STX8: variants seen among roughly 807,000 people sequenced by gnomAD.
STX8 encodes the protein syntaxin 8, also known as syntaxin-8.
In STX8, 23 loss-of-function variants were observed where a neutral mutation model predicts 37.5. That is an observed-to-expected ratio of 0.61 (90% CI 0.44 to 0.87). The LOEUF (loss-of-function observed/expected upper bound fraction) is 0.87. Ranked by LOEUF, STX8 falls within the 40% of genes least tolerant of loss-of-function variation. The pLI, the probability that STX8 is intolerant of heterozygous loss-of-function variation, is 0.00. For missense variants in STX8, 313 were observed against 284.7 expected, an observed-to-expected ratio of 1.10 and a Z score of -0.71; for synonymous variants, 115 against 99.1, an observed-to-expected ratio of 1.16 and a Z score of -0.95.
At chr17:9,348,367 G>T (rs569960850) in intron 7 of STX8, among the ~76,000 whole-genome samples, 1 of 146,098 alleles carries the variant, frequency 6.8e-6, no homozygotes, top group Non-Finnish European at 1.5e-5. Context: ...GCAATGAGCC[G>T]AGATTGCGCC....
intron 6 of STX8, among the ~76,000 whole-genome samples, chr17:9,429,927 A>T (rs1239060326): frequency 9.7e-4 from 2 of 2,056 alleles, no homozygotes; most frequent in African/African-American, 0.011. Flanking sequence ...AATATATATA[A>T]TATATATTAT....
chr17:9,510,321 C>T lies in STX8; in HGVS notation c.324-5159G>A, dbSNP rs1302881453. ...TATGGAACATTTCACCCAACAGCTACAGAATATACATTCTTGTCAACAGCA... is the reference window on the plus strand; with the variant it reads ...TATGGAACATTTCACCCAACAGCTATAGAATATACATTCTTGTCAACAGCA... On this transcript the variant is annotated intron_variant, in intron 4 of 7. Coordinates refer to ENST00000306357, the MANE Select transcript of STX8 (RefSeq NM_004853.3). Among the ~76,000 whole-genome samples the T allele has an allele frequency of 2.6e-5, 4 of 152,142 alleles. No individual in the cohort carries two copies. The East Asian group carries it at 7.7e-4, about 29-fold the overall frequency.
intron 4 of STX8, among the ~76,000 whole-genome samples, chr17:9,513,090 C>T (rs1450125941): frequency 6.6e-6 from 1 of 151,812 alleles, no homozygotes; most frequent in Non-Finnish European, 1.5e-5. Context: ...AGTGAAAAGA[C>T]AATCTATAGG....
chr17:9,574,010 C>T (rs932937717), intron 1 of STX8, among the ~76,000 whole-genome samples: 1 of 152,076 alleles, frequency 6.6e-6, no homozygotes, highest in Non-Finnish European at 1.5e-5. Flanking sequence ...GTGGCTCACA[C>T]CTGTAATCCC....
At chr17:9,292,210 A>G (rs913455903) in intron 7 of STX8, among the ~76,000 whole-genome samples, 5 of 152,248 alleles carry the variant, frequency 3.3e-5, no homozygotes, top group African/African-American at 1.2e-4. Flanking sequence ...AGAACCTCAG[A>G]CAAATAAATG....
chr17:9,338,895 C>T (rs191465522), intron 7 of STX8, among the ~76,000 whole-genome samples: 1 of 151,926 alleles, frequency 6.6e-6, no homozygotes, highest in South Asian at 2.1e-4. Context: ...CACAGTGAAA[C>T]CCTGTCTCTA....
At chr17:9,568,492 A>G in intron 1 of STX8, 22 bp from the exon 2 acceptor site, 1 of 1,597,668 alleles carries the variant, frequency 6.3e-7, no homozygotes, top group East Asian at 2.2e-5. Context: ...TCGTAAAAAG[A>G]GAAAATGTTT....
chr17:9,353,976 T>C (rs981712006), intron 7 of STX8, among the ~76,000 whole-genome samples: 7 of 152,212 alleles, frequency 4.6e-5, no homozygotes, highest in Non-Finnish European at 8.8e-5. Flanking sequence ...TCCTTCTGAC[T>C]TTCCTCCTCA....
At chr17:9,444,500 T>G (rs538564324) in intron 6 of STX8, among the ~76,000 whole-genome samples, 1 of 152,248 alleles carries the variant, frequency 6.6e-6, no homozygotes, top group South Asian at 2.1e-4. Context: ...ATAATAAACC[T>G]CAGTTAAAGT....
intron 7 of STX8, among the ~76,000 whole-genome samples, chr17:9,252,063 G>A (rs974120915): frequency 2.0e-5 from 3 of 152,118 alleles, no homozygotes; most frequent in African/African-American, 7.2e-5. Context: ...CCAGCACTTT[G>A]GGAGGCCGAG....
At position 9,559,756 on chromosome 17, in the gene STX8, A is replaced by ATTTTTTTTTT. The variant is rs1214621506; in HGVS notation, c.118-2229_118-2228insAAAAAAAAAA. Among the ~76,000 whole-genome samples, 60 of 31,122 alleles carry ATTTTTTTTTT rather than the reference A, an allele frequency of 1.9e-3. 2 individuals carry two copies. Among genetic ancestry groups the ATTTTTTTTTT allele is most frequent in the African/African-American group, 8.3e-3 (59 of 7,150 alleles). 20.4% of individuals were successfully genotyped at this position (31,122 alleles called of 152,430 possible). ...ATTTTATATATATATATATATATAT[A>ATTTTTTTTTT]TATATTTTTTTTTTTTTTTTTTTTG... On this transcript the variant is annotated intron_variant, in intron 2 of 7. Coordinates refer to ENST00000306357, the MANE Select transcript of STX8 (RefSeq NM_004853.3).
intron 7 of STX8, among the ~76,000 whole-genome samples, chr17:9,361,016 GA>G (rs1911044246): frequency 6.6e-6 from 1 of 152,150 alleles, no homozygotes; most frequent in South Asian, 2.1e-4. Context: ...CTCATGGGCA[GA>G]AAAAGTCAAC....
chr17:9,561,181 GAT>G (rs1907216946), intron 2 of STX8, among the ~76,000 whole-genome samples: 1 of 152,046 alleles, frequency 6.6e-6, no homozygotes, highest in East Asian at 1.9e-4. Context: ...TTTTAAGCAT[GAT>G]ATCCCCTCCC....
At chr17:9,293,562 T>C (rs1284956217) in intron 7 of STX8, among the ~76,000 whole-genome samples, 1 of 151,980 alleles carries the variant, frequency 6.6e-6, no homozygotes, top group Non-Finnish European at 1.5e-5. Context: ...GGATAAGTGA[T>C]GACAGTGAGA....
At chr17:9,418,922 C>CTTTT (rs1199002351) in intron 6 of STX8, among the ~76,000 whole-genome samples, 2 of 110,674 alleles carry the variant, frequency 1.8e-5, no homozygotes, top group African/African-American at 6.5e-5. Context: ...CTTTTTTTTT[C>CTTTT]TTTTTTTTTT....
chr17:9,414,129 A>ACCATCCATCCAT (rs769390840), intron 6 of STX8, among the ~76,000 whole-genome samples: 1 of 67,622 alleles, frequency 1.5e-5, no homozygotes, highest in Non-Finnish European at 3.2e-5. Flanking sequence ...CATCCATCCA[A>ACCATCCATCCAT]CCATCCATCC....
rs142407799 is a variant in STX8 at position 9,458,396 on chromosome 17, G to A, written c.541+33433C>T. On this transcript the variant is annotated intron_variant, in intron 6 of 7. Transcript: ENST00000306357. Reference sequence around the variant, plus strand: ...GATCTCCTGACTTCGTGATCCGCCCGCCTTGGCCTCCCAAAGTGCTGGGAT... The same window carrying A: ...GATCTCCTGACTTCGTGATCCGCCCACCTTGGCCTCCCAAAGTGCTGGGAT... 8.6e-3 allele frequency among the ~76,000 whole-genome samples: 1,295 copies of A among 151,238 alleles called. 9 individuals carry two copies. The highest frequency in any genetic ancestry group is 0.013 in the Non-Finnish European group (895 of 67,990).
At chr17:9,528,097 A>C (rs187937284) in intron 4 of STX8, among the ~76,000 whole-genome samples, 2 of 152,346 alleles carry the variant, frequency 1.3e-5, no homozygotes, top group Admixed American at 1.3e-4. Flanking sequence ...TACAGAGGAA[A>C]ATGTATAGTA....
chr17:9,454,071 C>A (rs1023313264), intron 6 of STX8, among the ~76,000 whole-genome samples: 1 of 152,150 alleles, frequency 6.6e-6, no homozygotes, highest in South Asian at 2.1e-4. Flanking sequence ...ATGTTTTCTA[C>A]ATTATATATA....
Sources: gnomAD v4.1 joint callset for allele counts (sites outside exome capture counted in the v4.1 genomes callset) on GRCh38, gnomAD v4.1.1 for gene constraint, MANE v1.5 for transcripts, NCBI Gene and HGNC (gene_info 2026-07-23, HGNC 2026-07-21) for gene names.